The following HSPD1 variants were observed in gnomAD, a reference collection of about 807,000 sequenced individuals.
HSPD1 encodes 60 kDa heat shock protein, mitochondrial.
A neutral mutation model predicts 53.0 loss-of-function variants in HSPD1; 3 were observed. That is an observed-to-expected ratio of 0.06 (90% CI 0.03 to 0.15). The LOEUF is 0.15. Ranked by LOEUF, HSPD1 falls within the 10% of genes least tolerant of loss-of-function variation. The pLI is 1.00. For missense variants in HSPD1, 431 were observed against 694.1 expected (o/e 0.62, Z 4.26); for synonymous variants, 200 against 228.0 (o/e 0.88, Z 1.10).
At chr2:197,498,949 T>C in intron 1 of HSPD1, 99 bp from the exon 2 acceptor site, 1 of 1,070,738 alleles carries the variant, frequency 9.3e-7, no homozygotes, top group South Asian at 1.4e-5. Context: ...CGTGAGATGC[T>C]GAGCCTGGCT....
At chr2:197,491,428 G>A (rs1361996831) in intron 7 of HSPD1, among the ~76,000 whole-genome samples, 2 of 151,810 alleles carry the variant, frequency 1.3e-5, no homozygotes, top group Non-Finnish European at 2.9e-5. Flanking sequence ...CCAAACTGCT[G>A]GGATTACAGG....
Position 197,489,203 on chromosome 2 carries a change from C to T in HSPD1, c.1014G>A (p.Gln338=). ...EGLTLNLEDV[Q]PHDLGKVGEV... The stretch of plus-strand genomic sequence containing the variant: ...CTCCAACTTTTCCTAAGTCATGAGG[C>T]TGAACGTCTTCAAGATTCAGGGTCA... Residue 338 remains glutamine (Q), a synonymous_variant, in exon 9 of 12, where the codon CAG becomes CAA. Coordinates refer to ENST00000388968, the MANE Select transcript of HSPD1 (RefSeq NM_002156.5). The T allele has an allele frequency of 6.2e-7, 1 of 1,614,096 alleles. No homozygotes were observed. Among genetic ancestry groups the T allele is most frequent in the Non-Finnish European group, 8.5e-7 (1 of 1,179,926 alleles).
At chr2:197,500,218 C>G (rs969175107), upstream of HSPD1, 14 of 615,060 alleles carry the variant, frequency 2.3e-5, no homozygotes, top group African/African-American at 3.7e-5. Context: ...GCCTCCGAGT[C>G]TTCGCGTCAG....
intron 3 of HSPD1, among the ~76,000 whole-genome samples, chr2:197,496,687 T>C (rs185856348): frequency 2.0e-5 from 3 of 152,338 alleles, no homozygotes; most frequent in African/African-American, 4.8e-5. Context: ...ACATGGTGTG[T>C]GCTATTAAGA....
chr2:197,488,449 T>C lies in HSPD1; in HGVS notation c.1258A>G (p.Arg420Gly). The change falls in exon 10 of 12, where the codon AGA becomes GGA. Residue 420 changes from arginine (R) to glycine (G), a missense_variant. Physicochemically the swap from Arg to Gly is moderately radical, Grantham distance 125. Transcript: ENST00000388968. ...SDVEVNEKKD[R>G]VTDALNATRA... ...GTAGCATTAAGGGCATCTGTAACTCTGTCTTTCTTTTCATTCACTTCAACA... is the reference window on the plus strand; with the variant it reads ...GTAGCATTAAGGGCATCTGTAACTCCGTCTTTCTTTTCATTCACTTCAACA... 2 of 1,613,996 alleles carry C rather than the reference T, an allele frequency of 1.2e-6. No homozygotes were observed. Among genetic ancestry groups the C allele is most frequent in the South Asian group, 1.1e-5 (1 of 91,080 alleles).
intron 7 of HSPD1, 25 bp from the exon 8 acceptor site, chr2:197,490,321 AT>A: frequency 6.5e-7 from 1 of 1,546,038 alleles, no homozygotes; most frequent in Non-Finnish European, 8.9e-7. Flanking sequence ...TGATAGTAAG[AT>A]TTAAATGAAA....
chr2:197,493,280 C>A, intron 7 of HSPD1, 44 bp downstream of exon 7: 1 of 1,532,888 alleles, frequency 6.5e-7, no homozygotes, highest in South Asian at 1.1e-5. Context: ...ATAATTCTGT[C>A]TTTCACCGAG....
rs759811198 is a variant in HSPD1 at position 197,487,936 on chromosome 2, A to G, written c.1491T>C (p.Ser497=). The change falls in exon 11 of 12, where the codon AGT becomes AGC. Residue 497 remains serine, a synonymous_variant. Coordinates refer to ENST00000388968, the MANE Select transcript of HSPD1 (RefSeq NM_002156.5). The part of the protein sequence containing the change: ...GSLIVEKIMQ[S]SSEVGYDAMA... ...TAGCATCATAACCAACTTCTGAGGA[A>G]CTTTGCATAATTTTCTCAACTATCA... The G allele has an allele frequency of 1.2e-6, 2 of 1,613,398 alleles. No homozygotes were observed. The highest frequency in any genetic ancestry group is 1.7e-6 in the Non-Finnish European group (2 of 1,179,334).
chr2:197,495,201 T>C, intron 4 of HSPD1, 93 bp downstream of exon 4: 1 of 740,750 alleles, frequency 1.3e-6, no homozygotes, highest in Non-Finnish European at 2.5e-6. Flanking sequence ...TGGGTAGTAT[T>C]GTTATTCTGA....
intron 11 of HSPD1, 106 bp from the exon 12 acceptor site, chr2:197,487,304 T>C: frequency 1.0e-6 from 1 of 1,002,580 alleles, no homozygotes; most frequent in Non-Finnish European, 1.5e-6. Context: ...TCCAGCACTT[T>C]GGGAGGCTGA....
chr2:197,487,156 G>T lies in HSPD1; in HGVS notation c.1612C>A (p.Leu538Met). Residue 538 changes from leucine to methionine, a missense_variant, in exon 12 of 12, where the codon CTG becomes ATG. Physicochemically the swap from Leu to Met is conservative, Grantham distance 15 (BLOSUM62 2). Around this residue, in one of 2 missense-constraint regions of HSPD1, gnomAD observed 386 missense variants for 657.6 expected, o/e 0.59. Coordinates refer to ENST00000388968, the MANE Select transcript of HSPD1 (RefSeq NM_002156.5). ...ALLDAAGVAS[L>M]LTTAEVVVTE... ...ACTACAACTTCTGCTGTAGTTAACA[G>T]AGAGGCCACACCAGCAGCATCCAAT... 6.2e-7 allele frequency: 1 copy of T among 1,611,766 alleles called. No homozygotes were observed. Among genetic ancestry groups the T allele is most frequent in the South Asian group, 1.1e-5 (1 of 91,016 alleles).
intron 8 of HSPD1, among the ~76,000 whole-genome samples, chr2:197,489,485 C>G (rs1385128425): frequency 1.3e-5 from 2 of 152,124 alleles, no homozygotes; most frequent in Non-Finnish European, 2.9e-5. Context: ...AAAAAAACAT[C>G]GAAGGTCACA....
chr2:197,497,594 A>G (rs571904865), intron 2 of HSPD1: 2 of 606,558 alleles, frequency 3.3e-6, no homozygotes, highest in Admixed American at 2.9e-5. Context: ...TTCTCTGCCA[A>G]GAGCATAATT....
chr2:197,491,503 A>G (rs2086092312), intron 7 of HSPD1, among the ~76,000 whole-genome samples: 2 of 152,138 alleles, frequency 1.3e-5, no homozygotes, highest in South Asian at 4.1e-4. Flanking sequence ...CCAAGCTAAG[A>G]AAAACATTCC....
At chr2:197,500,123 T>C, upstream of HSPD1, 2 of 468,784 alleles carry the variant, frequency 4.3e-6, no homozygotes, top group Non-Finnish European at 7.8e-6. Flanking sequence ...TCAAATCGCG[T>C]CATTTCCGGG....
At chr2:197,496,926 C>T in intron 3 of HSPD1, 2 of 590,680 alleles carry the variant, frequency 3.4e-6, no homozygotes, top group South Asian at 3.9e-5. Flanking sequence ...CAAAAGAAAC[C>T]AACTAAGTAA....
At chr2:197,492,716 TA>T (rs1304732404) in intron 7 of HSPD1, among the ~76,000 whole-genome samples, 1 of 148,022 alleles carries the variant, frequency 6.8e-6, no homozygotes, top group East Asian at 2.0e-4. Flanking sequence ...AAATAAAAAA[TA>T]AAAAAATTAC....
intron 10 of HSPD1, 114 bp downstream of exon 10, chr2:197,488,203 C>T: frequency 9.5e-7 from 1 of 1,047,244 alleles, no homozygotes; most frequent in South Asian, 1.3e-5. Context: ...TAGCACTATT[C>T]TACTTCTGTT....
chr2:197,494,019 T>C, intron 6 of HSPD1, 138 bp downstream of exon 6: 1 of 585,948 alleles, frequency 1.7e-6, no homozygotes, highest in Non-Finnish European at 3.1e-6. Context: ...AGAGAATCAC[T>C]TGAACCCGGA....
Sources: gnomAD v4.1 joint callset for allele counts (sites outside exome capture counted in the v4.1 genomes callset) on GRCh38, gnomAD v4.1.1 for gene constraint, gnomAD v4.1.1 regional missense constraint, MANE v1.5 for transcripts, NCBI Gene and HGNC (gene_info 2026-07-23, HGNC 2026-07-21) for gene names.